Variants in CPZ observed in about 807,000 individuals in gnomAD.
The protein encoded by CPZ is VEZT/CPZ fusion.
A neutral mutation model predicts 61.8 loss-of-function variants in CPZ; 103 were observed. The observed-to-expected ratio is 1.67, with a 90% confidence interval of 1.42 to 1.96. The LOEUF is 1.96. Among genes scored for constraint, CPZ ranks in the 30% most tolerant of loss-of-function variants. The pLI is 0.00. For missense variants in CPZ, 1,461 were observed against 914.9 expected, an observed-to-expected ratio of 1.60 and a Z score of -7.70; for synonymous variants, 551 against 373.7, an observed-to-expected ratio of 1.47 and a Z score of -5.47.
rs1462338730 is a variant in CPZ, at chr4:8,609,064, C to CCAT, written c.1227+1639_1227+1640insCAT. ...ATTCACTCCCTCCCTCCCTCACTCC[C>CCAT]TCACTCACCACTCATACATTCACCC... On this transcript the variant is annotated intron_variant, in intron 7 of 10. Coordinates refer to ENST00000360986, the MANE Select transcript of CPZ (RefSeq NM_001014447.3). Among the ~76,000 whole-genome samples the CCAT allele has an allele frequency of 2.9e-3, 342 of 118,226 alleles. 7 individuals are homozygous for CCAT. The highest frequency in any genetic ancestry group is 9.7e-3 in the African/African-American group (292 of 30,096). The allele number at this position is 118,226 out of a possible 152,430, so 77.6% of individuals were successfully genotyped here. A position where few individuals can be genotyped will look rare whatever the true frequency, so the allele number is the denominator to read the frequency against.
chr4:8,619,207 C>G, intron 10 of CPZ, 55 bp from the exon 11 acceptor site: 1 of 1,454,874 alleles, frequency 6.9e-7, no homozygotes, highest in Non-Finnish European at 9.3e-7. Flanking sequence ...ACCCATCACC[C>G]CGTGGCTGGG....
chr4:8,600,298 A>T (rs1350055204), intron 2 of CPZ, among the ~76,000 whole-genome samples: 2 of 152,188 alleles, frequency 1.3e-5, no homozygotes, highest in African/African-American at 4.8e-5. Flanking sequence ...TGAGCAGGGC[A>T]ATGTGAGGCA....
At chr4:8,605,328 A>ATCCATCCATCCATCCG (rs1714863078) in intron 4 of CPZ, among the ~76,000 whole-genome samples, 1 of 147,752 alleles carries the variant, frequency 6.8e-6, no homozygotes, top group African/African-American at 2.6e-5. Context: ...TTATTCATCC[A>ATCCATCCATCCATCCG]TCCATCCATC....
chr4:8,605,387 CCCATTCATTCATACATCCAT>C (rs1035315654), intron 4 of CPZ, among the ~76,000 whole-genome samples: 3 of 138,174 alleles, frequency 2.2e-5, no homozygotes, highest in Non-Finnish European at 4.6e-5. Context: ...CCATCATCCA[CCCATTCATTCATACATCCAT>C]GCATCCATCC....
chr4:8,614,315 G>A, intron 8 of CPZ, 44 bp from the exon 9 acceptor site: 7 of 1,592,672 alleles, frequency 4.4e-6, no homozygotes, highest in Non-Finnish European at 6.0e-6. Flanking sequence ...GGCTGTCTCT[G>A]TGCGGCTGAC....
At chr4:8,600,595 C>T (rs1031319518) in intron 2 of CPZ, among the ~76,000 whole-genome samples, 14 of 152,216 alleles carry the variant, frequency 9.2e-5, no homozygotes, top group African/African-American at 3.1e-4. Context: ...CTACCCTCTG[C>T]CTGGGCTTAC....
intron 2 of CPZ, among the ~76,000 whole-genome samples, chr4:8,600,640 G>A (rs1714506726): frequency 1.3e-5 from 2 of 152,230 alleles, no homozygotes; most frequent in Non-Finnish European, 1.5e-5. Flanking sequence ...GAGATGAGCC[G>A]GCTGAGCCGC....
rs199926442 is a variant in CPZ at position 8,612,180 on chromosome 4, C to T, written c.1363+18C>T. On this transcript the variant is annotated intron_variant, in intron 8 of 10. Transcript: ENST00000360986. ...CACGGGAGGTGCGGCTTCCGCAGGGCGGGACTGGGCGGGGGGTGGGGGGTG... is the reference window on the plus strand; with the variant it reads ...CACGGGAGGTGCGGCTTCCGCAGGGTGGGACTGGGCGGGGGGTGGGGGGTG... 9.2e-4 allele frequency: 261 copies of T among 283,678 alleles called. 1 individual carries two copies. Among genetic ancestry groups the T allele is most frequent in the Admixed American group, 6.7e-3 (24 of 3,594 alleles). The allele number at this position is 283,678 out of a possible 1,614,324, so 17.6% of individuals were successfully genotyped here.
intron 4 of CPZ, among the ~76,000 whole-genome samples, chr4:8,604,810 A>G (rs997365384): frequency 1.3e-5 from 2 of 152,224 alleles, no homozygotes; most frequent in African/African-American, 4.8e-5. Flanking sequence ...CAGTTACTGA[A>G]AAATGCACCT....
At chr4:8,611,990 G>A (rs373801969) in intron 7 of CPZ, 37 bp from the exon 8 acceptor site, 1 of 1,613,294 alleles carries the variant, frequency 6.2e-7, no homozygotes, top group Non-Finnish European at 8.5e-7. Flanking sequence ...GTCCTGCAGG[G>A]GACCCTTTCC....
rs111905918 is a variant in CPZ, at chr4:8,609,517, G to A, written c.1227+2092G>A. Among the ~76,000 whole-genome samples the A allele has an allele frequency of 1.2e-4, 18 of 152,370 alleles. 1 individual carries two copies. Among genetic ancestry groups the A allele is most frequent in the African/African-American group, 2.6e-4 (11 of 41,598 alleles). On this transcript the variant is annotated intron_variant, in intron 7 of 10. Coordinates refer to ENST00000360986, the MANE Select transcript of CPZ (RefSeq NM_001014447.3). ...TCTGCTCAGACCTCTGCAAGTGCCCGCAGAGGTGACTGGGCGGCCTCCACT... is the reference window on the plus strand; with the variant it reads ...TCTGCTCAGACCTCTGCAAGTGCCCACAGAGGTGACTGGGCGGCCTCCACT...
chr4:8,609,557 G>A (rs1245541720), intron 7 of CPZ, among the ~76,000 whole-genome samples: 3 of 152,242 alleles, frequency 2.0e-5, no homozygotes, highest in Non-Finnish European at 4.4e-5. Flanking sequence ...GCCTGGCCTT[G>A]CACCCCTGTG....
At chr4:8,612,948 G>A (rs961058960) in intron 8 of CPZ, among the ~76,000 whole-genome samples, 11 of 152,296 alleles carry the variant, frequency 7.2e-5, no homozygotes, top group South Asian at 2.1e-4. Context: ...AGCCATCTTC[G>A]CAGCCTGCTC....
At chr4:8,608,919 A>C (rs548221451) in intron 7 of CPZ, among the ~76,000 whole-genome samples, 4 of 152,128 alleles carry the variant, frequency 2.6e-5, no homozygotes, top group Admixed American at 6.5e-5. Flanking sequence ...CACTCTGCAG[A>C]CCAGGGGCAG....
chr4:8,617,572 G>A (rs1289334203), intron 9 of CPZ, among the ~76,000 whole-genome samples: 2 of 152,352 alleles, frequency 1.3e-5, no homozygotes, highest in East Asian at 1.9e-4. Flanking sequence ...GATTTTAAGA[G>A]GAGCAAGATC....
At position 8,601,453 on chromosome 4, in the gene CPZ, C is replaced by T. The variant is rs148934306; in HGVS notation, c.452C>T (p.Thr151Met). 1.3e-4 allele frequency: 198 copies of T among 1,528,816 alleles called. 1 individual carries two copies. In the East Asian group the frequency reaches 3.6e-3, roughly 28 times the overall value. The allele number at this position is 1,528,816 out of a possible 1,614,324, so 94.7% of individuals were successfully genotyped here. A position where few individuals can be genotyped will look rare whatever the true frequency, so the allele number is the denominator to read the frequency against. ...PYFLDCHRYF[T>M]REDEGCYDPL... ...TTCCTTGACTGCCACCGCTACTTCA[C>T]GAGAGAGGACGAGGGCTGCTATGAC... The change falls in exon 3 of 11, where the codon ACG becomes ATG. Residue 151 changes from threonine to methionine, a missense_variant. Transcript: ENST00000360986.
intron 1 of CPZ, among the ~76,000 whole-genome samples, chr4:8,596,837 G>A (rs1019445521): frequency 1.3e-5 from 2 of 152,218 alleles, no homozygotes; most frequent in African/African-American, 2.4e-5. Context: ...CTTTGGAGGA[G>A]CAGGTGCAGG....
rs1465543794 is a variant in CPZ at position 8,592,937 on chromosome 4, GC to G, written c.88+21del. 1 of 1,520,816 alleles carries G rather than the reference GC, an allele frequency of 6.6e-7. No homozygotes were observed. The allele number at this position is 1,520,816 out of a possible 1,614,324, so 94.2% of individuals were successfully genotyped here. On this transcript the variant is annotated intron_variant, in intron 1 of 10. Transcript: ENST00000360986. ...AACCCCGCCGGTAAGGCCGTCCCCT[GC>G]CCCCACCCTCCACCCTCCACCCTGC... is the stretch of plus-strand genomic sequence containing the variant.
intron 1 of CPZ, among the ~76,000 whole-genome samples, chr4:8,595,426 C>T (rs1361229153): frequency 1.3e-5 from 2 of 152,254 alleles, no homozygotes; most frequent in East Asian, 3.9e-4. Flanking sequence ...CCTGGCTTTG[C>T]TCTGTGGCTG....
Sources: gnomAD v4.1 joint callset for allele counts (sites outside exome capture counted in the v4.1 genomes callset) on GRCh38, gnomAD v4.1.1 for gene constraint, MANE v1.5 for transcripts, NCBI Gene and HGNC (gene_info 2026-07-23, HGNC 2026-07-21) for gene names.